The following RBFA variants were observed in gnomAD, a reference collection of about 807,000 sequenced individuals.
RBFA encodes the protein ribosome binding factor A, also known as putative ribosome-binding factor A, mitochondrial.
Under a neutral mutation model 27.9 loss-of-function variants are expected in RBFA, and 16 were observed. That is an observed-to-expected ratio of 0.57 (90% CI 0.39 to 0.87). The LOEUF (loss-of-function observed/expected upper bound fraction) is 0.87, where lower values mean the gene tolerates loss of function less well. RBFA is among the 40% of genes least tolerant of loss of function. The pLI, the probability that RBFA is intolerant of heterozygous loss-of-function variation, is 0.00. For missense variants in RBFA, 456 were observed against 432.1 expected (o/e 1.06, Z -0.49); for synonymous variants, 181 against 181.0 (o/e 1.00, Z 0.00).
chr18:80,044,107 G>A (rs977947121), intron 5 of RBFA, 105 bp from the exon 6 acceptor site: 17 of 938,180 alleles, frequency 1.8e-5, no homozygotes, highest in Non-Finnish European at 2.7e-5. Context: ...TGCAAAGTCT[G>A]ATCAAAAGCT....
At position 80,034,561 on chromosome 18, in the gene RBFA, C is replaced by G. The variant is rs1167837370; in HGVS notation, c.66C>G (p.Arg22=). 1.2e-6 allele frequency: 2 copies of G among 1,608,826 alleles called. No individual in the cohort carries two copies. The highest frequency in any genetic ancestry group is 2.3e-5 in the East Asian group (1 of 44,126). The change falls in exon 1 of 7, where the codon CGC becomes CGG. Residue 22 remains arginine (R), a synonymous_variant. Transcript: ENST00000306735. ...RAGLRALFRS[R]DAALFPGCER... is the part of the protein sequence containing the mutation. The stretch of plus-strand genomic sequence containing the variant: ...GTCTCCGGGCCCTGTTCCGTAGCCG[C>G]GATGCTGCGCTATTTCCAGGCTGCG...
At chr18:80,043,652 CAG>C (rs2052031412) in intron 5 of RBFA, among the ~76,000 whole-genome samples, 3 of 152,170 alleles carry the variant, frequency 2.0e-5, no homozygotes, top group South Asian at 2.1e-4. Context: ...CCCCCGGAGG[CAG>C]GGGATAGGCA....
In RBFA at chr18:80,037,447, C is replaced by T; in HGVS notation, c.319C>T (p.Leu107=). The change falls in exon 3 of 7, where the codon CTG becomes TTG. Residue 107 remains leucine, a synonymous_variant. Coordinates refer to ENST00000306735, the MANE Select transcript of RBFA (RefSeq NM_024805.3). The part of the protein sequence containing the change: ...NGLLYKALTD[L]LCTPEVSQEL... Reference sequence around the variant, plus strand: ...CCTCCTCTATAAGGCACTGACAGACCTGCTGTGTACCCCTGAAGTGAGTCA... The same window carrying T: ...CCTCCTCTATAAGGCACTGACAGACTTGCTGTGTACCCCTGAAGTGAGTCA... The T allele has an allele frequency of 6.2e-7, 1 of 1,614,176 alleles. No individual in the cohort carries two copies. The highest frequency in any genetic ancestry group is 8.5e-7 in the Non-Finnish European group (1 of 1,180,006).
At chr18:80,038,974 C>T (rs2051999783) in intron 4 of RBFA, among the ~76,000 whole-genome samples, 1 of 152,210 alleles carries the variant, frequency 6.6e-6, no homozygotes, top group South Asian at 2.1e-4. Context: ...GTAGGGGCGC[C>T]ATGCCACATG....
In RBFA at chr18:80,034,711, G is replaced by A. The variant is rs888586711; in HGVS notation, c.158+58G>A. 2.2e-5 allele frequency: 34 copies of A among 1,581,366 alleles called. No individual in the cohort carries two copies. In the Admixed American group the frequency reaches 5.7e-4, roughly 27 times the overall value. ...GTATTCCCTAGGGGGCGGTGTCCCC[G>A]GGTTGCGGTGTCCGCTCATCCGCGT... On this transcript the variant is annotated intron_variant, in intron 1 of 6. Transcript: ENST00000306735.
intron 5 of RBFA, among the ~76,000 whole-genome samples, chr18:80,042,538 A>C (rs1454804154): frequency 6.6e-6 from 1 of 152,190 alleles, no homozygotes; most frequent in Non-Finnish European, 1.5e-5. Flanking sequence ...TGGGAGGCCG[A>C]GGCAGGTGGA....
chr18:80,043,076 T>C (rs572883647), intron 5 of RBFA, among the ~76,000 whole-genome samples: 2 of 152,212 alleles, frequency 1.3e-5, no homozygotes, highest in Admixed American at 1.3e-4. Context: ...TAACCTTAAG[T>C]GCTTTTATTA....
At position 80,037,439 on chromosome 18, in the gene RBFA, T is replaced by G; in HGVS notation, c.311T>G (p.Leu104Arg). The G allele has an allele frequency of 6.2e-7, 1 of 1,614,166 alleles. No homozygotes were observed. Among genetic ancestry groups the G allele is most frequent in the Non-Finnish European group, 8.5e-7 (1 of 1,180,014 alleles). Residue 104 changes from leucine (L) to arginine (R), a missense_variant, in exon 3 of 7, where the codon CTG becomes CGG. Physicochemically the swap from Leu to Arg is moderately radical, Grantham distance 102. Transcript: ENST00000306735. ...RALNGLLYKA[L>R]TDLLCTPEVS... Reference sequence around the variant, plus strand: ...CTGAACGGCCTCCTCTATAAGGCACTGACAGACCTGCTGTGTACCCCTGAA... The same window carrying G: ...CTGAACGGCCTCCTCTATAAGGCACGGACAGACCTGCTGTGTACCCCTGAA...
rs1049229789 is a variant in RBFA, at chr18:80,046,696, A to G, written c.*541A>G. Among the ~76,000 whole-genome samples, 5 of 152,246 alleles carry G rather than the reference A, an allele frequency of 3.3e-5. No individual in the cohort carries two copies. Among genetic ancestry groups the G allele is most frequent in the Non-Finnish European group, 7.3e-5 (5 of 68,046 alleles). ...GACTGGCCTCTTCACAGCTTTGTGCAGCAGGCTCCACCTTCTGGTTCAGGC... is the reference window on the plus strand; with the variant it reads ...GACTGGCCTCTTCACAGCTTTGTGCGGCAGGCTCCACCTTCTGGTTCAGGC... On this transcript the variant is annotated 3_prime_UTR_variant, in exon 7 of 7. Transcript: ENST00000306735.
chr18:80,034,691 C>A, intron 1 of RBFA, 38 bp downstream of exon 1: 1 of 1,592,380 alleles, frequency 6.3e-7, no homozygotes, highest in Non-Finnish European at 8.5e-7. Context: ...GCGCGGTATT[C>A]CCTAGGGGGC....
intron 4 of RBFA, 114 bp from the exon 5 acceptor site, chr18:80,042,021 C>T (rs566245374): frequency 2.6e-5 from 16 of 627,306 alleles, no homozygotes; most frequent in African/African-American, 1.5e-4. Context: ...CCACCGCGCC[C>T]GGCCTCTCAC....
intron 4 of RBFA, chr18:80,041,491 G>A (rs1169407273): frequency 6.6e-6 from 1 of 152,212 alleles, no homozygotes; most frequent in African/African-American, 2.4e-5. Context: ...GTGTCCACTG[G>A]GCACAGGAGG....
Position 80,038,556 on chromosome 18 carries a change from C to G in RBFA, c.430C>G (p.Leu144Val). 1 of 1,614,124 alleles carries G rather than the reference C, an allele frequency of 6.2e-7. No homozygotes were observed. The highest frequency in any genetic ancestry group is 2.2e-5 in the East Asian group (1 of 44,882). ...SACRAYWKTT[L>V]SAEQNAHMEA... is the part of the protein sequence containing the mutation. ...CTGCCGAGCGTACTGGAAGACAACG[C>G]TCTCTGCTGAGCAGAACGCACACAT... The change falls in exon 4 of 7, where the codon CTC becomes GTC. Residue 144 changes from leucine (L) to valine (V), a missense_variant. Coordinates refer to ENST00000306735, the MANE Select transcript of RBFA (RefSeq NM_024805.3).
rs2052084414 is a variant in RBFA at position 80,049,844 on chromosome 18, G to C, written c.*3689G>C. Among the ~76,000 whole-genome samples, 1 of 152,240 alleles carries C rather than the reference G, an allele frequency of 6.6e-6. No individual in the cohort carries two copies. Among genetic ancestry groups the C allele is most frequent in the East Asian group, 1.9e-4 (1 of 5,198 alleles). Reference sequence around the variant, plus strand: ...AGCACAATGCCTCTCAGCCTTGGCTGTGCATCTGAAACACCTGCTGTTTGA... The same window carrying C: ...AGCACAATGCCTCTCAGCCTTGGCTCTGCATCTGAAACACCTGCTGTTTGA... On this transcript the variant is annotated 3_prime_UTR_variant, in exon 7 of 7. Coordinates refer to ENST00000306735, the MANE Select transcript of RBFA (RefSeq NM_024805.3).
rs774192102 is a variant in RBFA at position 80,037,557 on chromosome 18, A to C, written c.378+51A>C. The C allele has an allele frequency of 2.6e-6, 4 of 1,519,360 alleles. No individual in the cohort carries two copies. In the African/African-American group the frequency reaches 5.5e-5, roughly 21 times the overall value. 94.1% of individuals were successfully genotyped at this position (1,519,360 alleles called of 1,614,324 possible). A position where few individuals can be genotyped will look rare whatever the true frequency, so the allele number is the denominator to read the frequency against. On this transcript the variant is annotated intron_variant, in intron 3 of 6. Transcript: ENST00000306735. ...AATGGGTTGAGACAGCAGGCCTGGCACTTACTTTACCTGGCCCAGTCTTGC... is the reference window on the plus strand; with the variant it reads ...AATGGGTTGAGACAGCAGGCCTGGCCCTTACTTTACCTGGCCCAGTCTTGC...
intron 6 of RBFA, among the ~76,000 whole-genome samples, chr18:80,045,464 A>G (rs989197509): frequency 1.3e-5 from 2 of 151,976 alleles, no homozygotes; most frequent in Admixed American, 6.6e-5. Context: ...TGACCTCGTG[A>G]TCCGCCCGCC....
chr18:80,044,368 C>T (rs373007705), intron 6 of RBFA, 83 bp downstream of exon 6: 1 of 1,205,446 alleles, frequency 8.3e-7, no homozygotes, highest in South Asian at 1.2e-5. Context: ...AGCTGCCCAG[C>T]GCCACATCCC....
rs748363697 is a variant in RBFA, at chr18:80,045,861, G to C, written c.738G>C (p.Lys246Asn). ...GGATCGATCATGAGGCGCTCAACAA[G>C]CAGATTATGGAGTACAAAAGGAGGA... ...LCGIDHEALN[K>N]QIMEYKRRKD... The change falls in exon 7 of 7, where the codon AAG (lysine) becomes AAC (asparagine). Residue 246 changes from lysine (K) to asparagine (N), a missense_variant. By Grantham distance (94) the Lys-to-Asn change is moderately conservative. Coordinates refer to ENST00000306735, the MANE Select transcript of RBFA (RefSeq NM_024805.3). The C allele has an allele frequency of 6.3e-7, 1 of 1,590,678 alleles. No homozygotes were observed. Among genetic ancestry groups the C allele is most frequent in the East Asian group, 2.2e-5 (1 of 44,632 alleles).
chr18:80,039,695 G>A (rs540381766), intron 4 of RBFA, among the ~76,000 whole-genome samples: 2 of 152,328 alleles, frequency 1.3e-5, no homozygotes, highest in South Asian at 2.1e-4. Context: ...GATTGGCAGC[G>A]ACCTTAACAA....
Sources: allele counts gnomAD v4.1 joint callset (sites outside exome capture counted in the v4.1 genomes callset), GRCh38; gene constraint gnomAD v4.1.1; transcripts MANE v1.5; gene names NCBI Gene and HGNC (gene_info 2026-07-23, HGNC 2026-07-21).